The following ATXN2 variants were observed in gnomAD, a reference collection of about 807,000 sequenced individuals.
ATXN2 encodes the protein ataxin-2.
In ATXN2, 37 loss-of-function variants were observed where a neutral mutation model predicts 138.6. The ratio of observed to expected loss-of-function variants is 0.27; its 90% CI spans 0.21 to 0.35. ATXN2 has a LOEUF of 0.35. ATXN2 is among the 10% of genes least tolerant of loss of function. The pLI, the probability that ATXN2 is intolerant of heterozygous loss-of-function variation, is 1.00. For missense variants in ATXN2, 1,216 were observed against 1,480.3 expected (o/e 0.82, Z 2.93); for synonymous variants, 549 against 543.7 (o/e 1.01, Z -0.13).
intron 14 of ATXN2, among the ~76,000 whole-genome samples, chr12:111,504,622 G>A (rs1409870587): frequency 6.6e-6 from 1 of 151,922 alleles, no homozygotes; most frequent in Non-Finnish European, 1.5e-5. Flanking sequence ...GATGGTGCTG[G>A]GACAACTAAT....
At chr12:111,571,043 G>A (rs935304670) in intron 1 of ATXN2, among the ~76,000 whole-genome samples, 2 of 152,204 alleles carry the variant, frequency 1.3e-5, no homozygotes, top group African/African-American at 4.8e-5. Flanking sequence ...CTTTAAGCGT[G>A]TTACATGTTT....
intron 5 of ATXN2, among the ~76,000 whole-genome samples, chr12:111,538,185 G>GA (rs1214255531): frequency 5.3e-5 from 8 of 151,138 alleles, no homozygotes; most frequent in South Asian, 2.1e-4. Context: ...AGATAAAATA[G>GA]AAAAAAAATC....
chr12:111,540,838 G>A (rs1293929120), intron 5 of ATXN2, among the ~76,000 whole-genome samples: 1 of 149,264 alleles, frequency 6.7e-6, no homozygotes, highest in Non-Finnish European at 1.5e-5. Flanking sequence ...GGGATTACAG[G>A]CATGTGCTAC....
chr12:111,573,223 T>C lies in ATXN2; in HGVS notation c.252-17304A>G, dbSNP rs551483155. Among the ~76,000 whole-genome samples the C allele has an allele frequency of 5.3e-5, 8 of 152,248 alleles. No individual in the cohort carries two copies. In the South Asian group the frequency reaches 1.4e-3, roughly 28 times the overall value. ...TTATTTATTTTTTGAGACGGAGTCT[T>C]GCTTTGTTGCCTACGCTGGAGTGCA... On this transcript the variant is annotated intron_variant, in intron 1 of 24. Transcript: ENST00000673436.
chr12:111,545,106 C>T (rs1402322036), intron 5 of ATXN2, among the ~76,000 whole-genome samples: 1 of 151,784 alleles, frequency 6.6e-6, no homozygotes, highest in Non-Finnish European at 1.5e-5. Context: ...TTGCAGTGAG[C>T]CAAGATAGTG....
chr12:111,469,361 T>C (rs1005289710), intron 20 of ATXN2: 2 of 152,262 alleles, frequency 1.3e-5, no homozygotes, highest in Non-Finnish European at 2.9e-5. Context: ...TCATAAGATA[T>C]ACAAATGGAC....
chr12:111,485,262 C>T lies in ATXN2; in HGVS notation c.2524+3G>A. 1.2e-6 allele frequency: 2 copies of T among 1,609,546 alleles called. No homozygotes were observed. The highest frequency in any genetic ancestry group is 1.7e-6 in the Non-Finnish European group (2 of 1,176,748). ...AAGCAAACACAGGCAGGATTATTCT[C>T]ACCTTTACCTGCTCTATATGTCTTG... On this transcript the variant is annotated splice_donor_region_variant and intron_variant, in intron 18 of 24. Coordinates refer to ENST00000673436, the MANE Select transcript of ATXN2 (RefSeq NM_001372574.1).
At chr12:111,583,024 G>A (rs1197627763) in intron 1 of ATXN2, among the ~76,000 whole-genome samples, 2 of 110,526 alleles carry the variant, frequency 1.8e-5, no homozygotes, top group African/African-American at 3.6e-5. Flanking sequence ...ACAGAGTCTC[G>A]TTCTGTCGCC....
At chr12:111,585,851 G>C (rs912508680) in intron 1 of ATXN2, among the ~76,000 whole-genome samples, 1 of 124,080 alleles carries the variant, frequency 8.1e-6, no homozygotes, top group African/African-American at 2.9e-5. Context: ...TGGTATACTT[G>C]TTGAGCTCTT....
chr12:111,495,650 C>A (rs1878372027), intron 14 of ATXN2, among the ~76,000 whole-genome samples: 1 of 152,146 alleles, frequency 6.6e-6, no homozygotes, highest in African/African-American at 2.4e-5. Flanking sequence ...TCGGAAACTT[C>A]AACACCCCAC....
chr12:111,585,164 T>C (rs1263636150), intron 1 of ATXN2, among the ~76,000 whole-genome samples: 1 of 152,162 alleles, frequency 6.6e-6, no homozygotes, highest in Non-Finnish European at 1.5e-5. Context: ...AACTACACTG[T>C]GCTATAAAAC....
chr12:111,562,708 G>C (rs886079166), intron 1 of ATXN2, among the ~76,000 whole-genome samples: 4 of 91,072 alleles, frequency 4.4e-5, no homozygotes, highest in Admixed American at 1.8e-4. Flanking sequence ...CAATAAGAGC[G>C]AAACTCCATC....
chr12:111,475,531 C>G (rs1876751099), intron 18 of ATXN2, among the ~76,000 whole-genome samples: 1 of 145,666 alleles, frequency 6.9e-6, no homozygotes, highest in Non-Finnish European at 1.5e-5. Flanking sequence ...GCTCTGTCAC[C>G]CAGGCTGGAG....
intron 1 of ATXN2, among the ~76,000 whole-genome samples, chr12:111,565,485 AAAT>A (rs1290221411): frequency 1.3e-5 from 2 of 152,230 alleles, no homozygotes; most frequent in Non-Finnish European, 1.5e-5. Flanking sequence ...TTACAATTGT[AAAT>A]AATAATTTAC....
intron 1 of ATXN2, among the ~76,000 whole-genome samples, chr12:111,568,324 T>C (rs936418739): frequency 6.6e-6 from 1 of 152,108 alleles, no homozygotes; most frequent in Non-Finnish European, 1.5e-5. Flanking sequence ...CTATTGGTAC[T>C]GTCACCATAC....
chr12:111,465,653 C>T (rs1219551412), intron 20 of ATXN2, among the ~76,000 whole-genome samples: 6 of 151,162 alleles, frequency 4.0e-5, no homozygotes, highest in African/African-American at 1.5e-4. Flanking sequence ...ACCTGTAGTC[C>T]CACCTACTCG....
rs1469321859 is a variant in ATXN2 at position 111,519,945 on chromosome 12, T to A, written c.920A>T (p.Glu307Val). The A allele has an allele frequency of 6.2e-7, 1 of 1,614,174 alleles. No homozygotes were observed. The highest frequency in any genetic ancestry group is 8.5e-7 in the Non-Finnish European group (1 of 1,180,028). Residue 307 changes from glutamate (E) to valine (V), a missense_variant, in exon 8 of 25, where the codon GAG (glutamate) becomes GTG (valine). Glu to Val is a moderately radical substitution (Grantham distance 121). Around this residue, in one of 4 missense-constraint regions of ATXN2, gnomAD observed 401 missense variants for 528.1 expected, o/e 0.76. Coordinates refer to ENST00000673436, the MANE Select transcript of ATXN2 (RefSeq NM_001372574.1). ...RVALENDDRSEEEKYTAVQRN... is the reference protein window; with the variant it reads ...RVALENDDRSVEEKYTAVQRN... ...CTGAACTGCTGTGTATTTTTCTTCCTCACTCCTATCATCATTTTCCAGGGC... is the reference window on the plus strand; with the variant it reads ...CTGAACTGCTGTGTATTTTTCTTCCACACTCCTATCATCATTTTCCAGGGC...
intron 8 of ATXN2, among the ~76,000 whole-genome samples, chr12:111,519,457 C>G (rs1466439334): frequency 6.6e-6 from 1 of 152,124 alleles, no homozygotes; most frequent in Non-Finnish European, 1.5e-5. Context: ...TGTCAAAGAC[C>G]CTATTATCTT....
chr12:111,580,329 T>A (rs1279382110), intron 1 of ATXN2, among the ~76,000 whole-genome samples: 4 of 151,090 alleles, frequency 2.6e-5, no homozygotes, highest in African/African-American at 9.7e-5. Flanking sequence ...AAATTAAAAA[T>A]AAGAAAAGTA....
Sources: allele counts gnomAD v4.1 joint callset (sites outside exome capture counted in the v4.1 genomes callset), GRCh38; gene constraint gnomAD v4.1.1; regional missense constraint gnomAD v4.1.1; transcripts MANE v1.5; gene names NCBI Gene and HGNC (gene_info 2026-07-23, HGNC 2026-07-21).